Variants in KIAA0825 observed in about 807,000 individuals in gnomAD.
KIAA0825 encodes uncharacterized protein KIAA0825.
A neutral mutation model predicts 147.6 loss-of-function variants in KIAA0825; 119 were observed. The ratio of observed to expected loss-of-function variants is 0.81; its 90% CI spans 0.69 to 0.94. KIAA0825 has a LOEUF of 0.94. Ranked by LOEUF, KIAA0825 falls within the 40% of genes least tolerant of loss-of-function variation. The probability of loss-of-function intolerance (pLI) is 0.00; values close to 1 mark genes in which losing one functional copy is unlikely to be tolerated. For missense variants in KIAA0825, 1,381 were observed against 1,472.7 expected (o/e 0.94, Z 1.02); for synonymous variants, 470 against 518.1 (o/e 0.91, Z 1.26).
intron 5 of KIAA0825, among the ~76,000 whole-genome samples, chr5:94,496,141 G>A (rs1764323646): frequency 1.3e-5 from 2 of 152,172 alleles, no homozygotes. Context: ...AGCTCACGGG[G>A]CAAATCTGGC....
chr5:94,170,636 C>A (rs917122844), intron 20 of KIAA0825, among the ~76,000 whole-genome samples: 3 of 152,124 alleles, frequency 2.0e-5, no homozygotes, highest in Non-Finnish European at 2.9e-5. Flanking sequence ...TAGACTGTAA[C>A]TATTCCCAAG....
Position 94,565,028 on chromosome 5 carries a change from CTT to C in KIAA0825, c.-2+17403_-2+17404del, listed in dbSNP as rs200821780. On this transcript the variant is annotated intron_variant, in intron 2 of 20. Coordinates refer to ENST00000682413, the MANE Select transcript of KIAA0825 (RefSeq NM_001145678.3). ...TCTCTCCCTCTCTCTCTCTCTCTCT[CTT>C]TCTTTCCTCTCTCTCTCTCTCTCTC... 5.8e-3 allele frequency among the ~76,000 whole-genome samples: 742 copies of C among 127,990 alleles called. 4 individuals carry two copies. Among genetic ancestry groups the C allele is most frequent in the Non-Finnish European group, 9.6e-3 (599 of 62,202 alleles). The allele number at this position is 127,990 out of a possible 152,430, so 84.0% of individuals were successfully genotyped here. A position where few individuals can be genotyped will look rare whatever the true frequency, so the allele number is the denominator to read the frequency against.
Position 94,375,141 on chromosome 5 carries a change from C to T in KIAA0825, c.3710+9227G>A, listed in dbSNP as rs187956951. On this transcript the variant is annotated intron_variant, in intron 20 of 20. Coordinates refer to ENST00000682413, the MANE Select transcript of KIAA0825 (RefSeq NM_001145678.3). ...CTGCCTCCAGGGTTCAAGTGATTCT[C>T]CTGCCTCAGCCTCCCGAGTAGCTGG... 2.0e-5 allele frequency among the ~76,000 whole-genome samples: 3 copies of T among 150,496 alleles called. No homozygotes were observed. The Admixed American group carries it at 2.0e-4, about 10-fold the overall frequency.
chr5:94,242,595 T>C (rs937836089), intron 20 of KIAA0825, among the ~76,000 whole-genome samples: 1 of 151,736 alleles, frequency 6.6e-6, no homozygotes, highest in South Asian at 2.1e-4. Flanking sequence ...TCTTTCCTTC[T>C]TTCCTTTCTT....
At chr5:94,175,450 G>A (rs1202996718) in intron 20 of KIAA0825, among the ~76,000 whole-genome samples, 1 of 152,076 alleles carries the variant, frequency 6.6e-6, no homozygotes, top group Non-Finnish European at 1.5e-5. Context: ...AGAGCTTTTT[G>A]GCATCAGAGA....
At chr5:94,305,223 A>T (rs895572988) in intron 20 of KIAA0825, among the ~76,000 whole-genome samples, 10 of 152,028 alleles carry the variant, frequency 6.6e-5, no homozygotes, top group African/African-American at 2.4e-4. Context: ...TTATATTAAT[A>T]AAATAATGAC....
intron 20 of KIAA0825, among the ~76,000 whole-genome samples, chr5:94,354,160 C>T (rs1233427875): frequency 6.6e-6 from 1 of 152,150 alleles, no homozygotes. Context: ...AGTAAATCGG[C>T]TTGATACTTT....
intron 20 of KIAA0825, among the ~76,000 whole-genome samples, chr5:94,256,341 C>G (rs1776254428): frequency 6.6e-6 from 1 of 152,150 alleles, no homozygotes; most frequent in Admixed American, 6.6e-5. Flanking sequence ...GAATAGCCTT[C>G]TGAGCTCTAT....
At chr5:94,405,236 C>T (rs542799029) in intron 15 of KIAA0825, among the ~76,000 whole-genome samples, 2 of 152,116 alleles carry the variant, frequency 1.3e-5, no homozygotes, top group African/African-American at 4.8e-5. Flanking sequence ...ACAGATGTGG[C>T]GAGATTTCCA....
In KIAA0825 at chr5:94,224,082, C is replaced by CTTTTTTTTTTTTT. The variant is rs869059424; in HGVS notation, c.3711-69971_3711-69959dup. Among the ~76,000 whole-genome samples, 58 of 56,476 alleles carry CTTTTTTTTTTTTT rather than the reference C, an allele frequency of 1.0e-3. 1 individual carries two copies. Among genetic ancestry groups the CTTTTTTTTTTTTT allele is most frequent in the Non-Finnish European group, 1.4e-3 (44 of 31,620 alleles). The allele number at this position is 56,476 out of a possible 152,430, so 37.1% of individuals were successfully genotyped here. Reference sequence around the variant, plus strand: ...TTTCTTTTCTCTTTCTTTTTCTTTTCTTTTTTTTTTTTTTTTTTTTTTTTT... The same window carrying CTTTTTTTTTTTTT: ...TTTCTTTTCTCTTTCTTTTTCTTTTCTTTTTTTTTTTTTTTTTTTTTTTTTTTTTTTTTTTTTT... On this transcript the variant is annotated intron_variant, in intron 20 of 20. Transcript: ENST00000682413.
chr5:94,572,009 G>C (rs1370303303), intron 2 of KIAA0825, among the ~76,000 whole-genome samples: 1 of 151,756 alleles, frequency 6.6e-6, no homozygotes, highest in Non-Finnish European at 1.5e-5. Flanking sequence ...CATTGCTTGA[G>C]CCCAAGAGTT....
At chr5:94,218,775 A>G (rs1364674415) in intron 20 of KIAA0825, among the ~76,000 whole-genome samples, 2 of 152,190 alleles carry the variant, frequency 1.3e-5, no homozygotes, top group African/African-American at 4.8e-5. Flanking sequence ...GTCACCTGCT[A>G]ACATCCTACT....
At chr5:94,190,491 ATT>A (rs70975895) in intron 20 of KIAA0825, among the ~76,000 whole-genome samples, 1 of 106,274 alleles carries the variant, frequency 9.4e-6, no homozygotes, top group African/African-American at 3.5e-5. Context: ...ACGCCCAGCT[ATT>A]TTTTTTTTTT....
intron 20 of KIAA0825, among the ~76,000 whole-genome samples, chr5:94,340,779 C>T (rs1782291019): frequency 6.6e-6 from 1 of 152,138 alleles, no homozygotes; most frequent in Non-Finnish European, 1.5e-5. Context: ...ATCAGTTGAG[C>T]TCCTTGATGG....
chr5:94,258,257 G>A (rs1583976961), intron 20 of KIAA0825, among the ~76,000 whole-genome samples: 1 of 151,918 alleles, frequency 6.6e-6, no homozygotes, highest in Admixed American at 6.6e-5. Context: ...ATTTATAAAA[G>A]GTTTAGGAGA....
chr5:94,231,189 G>A (rs1583923945), intron 20 of KIAA0825, among the ~76,000 whole-genome samples: 1 of 152,110 alleles, frequency 6.6e-6, no homozygotes, highest in African/African-American at 2.4e-5. Context: ...CTGTAAAAAG[G>A]TCATAACATT....
intron 12 of KIAA0825, among the ~76,000 whole-genome samples, chr5:94,460,195 C>T (rs1759637862): frequency 6.6e-6 from 1 of 152,002 alleles, no homozygotes; most frequent in South Asian, 2.1e-4. Flanking sequence ...GTTTAACTGC[C>T]TTTATGAAAG....
intron 14 of KIAA0825, among the ~76,000 whole-genome samples, chr5:94,431,651 G>A (rs1755682166): frequency 6.6e-6 from 1 of 152,132 alleles, no homozygotes; most frequent in African/African-American, 2.4e-5. Flanking sequence ...ACAAGAAATG[G>A]TCTAGGCATA....
At chr5:94,269,002 C>T (rs1020949834) in intron 20 of KIAA0825, among the ~76,000 whole-genome samples, 5 of 152,074 alleles carry the variant, frequency 3.3e-5, no homozygotes, top group African/African-American at 1.2e-4. Flanking sequence ...AAAAAACTGT[C>T]GTCCTATCTT....
Sources: gnomAD v4.1 joint callset for allele counts (sites outside exome capture counted in the v4.1 genomes callset) on GRCh38, gnomAD v4.1.1 for gene constraint, MANE v1.5 for transcripts, NCBI Gene and HGNC (gene_info 2026-07-23, HGNC 2026-07-21) for gene names.